RGS5: variants seen among roughly 807,000 people sequenced by gnomAD.
The protein encoded by RGS5 is regulator of G-protein signalling 5.
RGS5 carries 20 observed loss-of-function variants against 18.9 expected under a neutral mutation model. The ratio of observed to expected loss-of-function variants is 1.06; its 90% CI spans 0.74 to 1.54. The LOEUF is 1.54. Among genes scored for constraint, RGS5 ranks in the 40% most tolerant of loss-of-function variants. The probability of loss-of-function intolerance (pLI) is 0.00; values close to 1 mark genes in which losing one functional copy is unlikely to be tolerated. For synonymous variants in RGS5, 57 were observed against 76.2 expected (o/e 0.75, Z 1.31); for missense variants, 201 against 211.8 (o/e 0.95, Z 0.32).
At position 163,147,232 on chromosome 1, in the gene RGS5, TG is replaced by T; in HGVS notation, c.*109del. 1 of 1,147,064 alleles carries T rather than the reference TG, an allele frequency of 8.7e-7. No homozygotes were observed. Among genetic ancestry groups the T allele is most frequent in the Non-Finnish European group, 1.2e-6 (1 of 843,252 alleles). The allele number at this position is 1,147,064 out of a possible 1,614,324, so 71.1% of individuals were successfully genotyped here. Reference sequence around the variant, plus strand: ...AACATCCCCTGGGATTTTTCCCATGTGGGTATCACTGAGCAAAGCTGCTGTG... The same window carrying T: ...AACATCCCCTGGGATTTTTCCCATGTGGTATCACTGAGCAAAGCTGCTGTG... On this transcript the variant is annotated 3_prime_UTR_variant, in exon 5 of 5. Transcript: ENST00000313961.
intron 2 of RGS5, among the ~76,000 whole-genome samples, chr1:163,297,113 A>G (rs999167471): frequency 2.0e-5 from 3 of 152,126 alleles, no homozygotes; most frequent in African/African-American, 7.2e-5. Context: ...TAATTTACCA[A>G]GACAGTTGGA....
intron 2 of RGS5, among the ~76,000 whole-genome samples, chr1:163,224,790 G>A (rs1414664825): frequency 4.6e-5 from 7 of 152,146 alleles, no homozygotes; most frequent in African/African-American, 1.7e-4. Context: ...CTGATGATTA[G>A]TGATGTAGGA....
In RGS5 at chr1:163,163,044, G is replaced by A. The variant is rs1042301579; in HGVS notation, c.156-1068C>T. ...GTTTTTATACAATGATATTTCGGGG[G>A]GGGGGGTGGTTAATTATTCAGATTT... On this transcript the variant is annotated intron_variant, in intron 2 of 4. Transcript: ENST00000313961. Among the ~76,000 whole-genome samples the A allele has an allele frequency of 9.9e-5, 15 of 150,916 alleles. 1 individual carries two copies. The highest frequency in any genetic ancestry group is 3.4e-4 in the African/African-American group (14 of 40,840).
In RGS5 at chr1:163,243,813, AACACACAC is replaced by A. The variant is rs140181467; in HGVS notation, c.-281+62412_-281+62419del. 1.0e-4 allele frequency among the ~76,000 whole-genome samples: 15 copies of A among 150,210 alleles called. No individual in the cohort carries two copies. In the East Asian group the frequency reaches 2.7e-3, roughly 27 times the overall value. ...AGGAGGCATTTACACACATTCACAC[AACACACAC>A]ACACACACATACACACATTGGTTTG... On this transcript the variant is annotated intron_variant, in intron 2 of 5. Transcript: ENST00000618415.
At chr1:163,295,155 T>A (rs1233029452) in intron 2 of RGS5, among the ~76,000 whole-genome samples, 1 of 152,182 alleles carries the variant, frequency 6.6e-6, no homozygotes, top group African/African-American at 2.4e-5. Flanking sequence ...TTTACCTAGT[T>A]CCAAAGTCAC....
intron 1 of RGS5, among the ~76,000 whole-genome samples, chr1:163,315,619 T>C (rs1423347567): frequency 2.0e-5 from 3 of 152,138 alleles, no homozygotes; most frequent in Non-Finnish European, 2.9e-5. Context: ...AAAGAATAGG[T>C]ACTTTATAGT....
intron 2 of RGS5, among the ~76,000 whole-genome samples, chr1:163,273,277 T>C (rs1648768233): frequency 2.6e-5 from 4 of 152,160 alleles, no homozygotes; most frequent in Admixed American, 2.6e-4. Context: ...GCTCAAATTT[T>C]CTTTACCCTA....
At chr1:163,193,373 C>T (rs1260445058) in intron 1 of RGS5, among the ~76,000 whole-genome samples, 2 of 152,084 alleles carry the variant, frequency 1.3e-5, no homozygotes, top group African/African-American at 2.4e-5. Flanking sequence ...CCTTTAAACA[C>T]TGAAATATTT....
chr1:163,195,243 T>C (rs986303387), intron 1 of RGS5, among the ~76,000 whole-genome samples: 2 of 152,154 alleles, frequency 1.3e-5, no homozygotes, highest in East Asian at 1.9e-4. Context: ...TATACCATGT[T>C]GTATATAAGA....
At chr1:163,295,371 A>C (rs576630003) in intron 2 of RGS5, among the ~76,000 whole-genome samples, 6 of 152,184 alleles carry the variant, frequency 3.9e-5, no homozygotes, top group African/African-American at 1.4e-4. Context: ...AATTTATTCT[A>C]ACTATTAACC....
chr1:163,149,420 T>C (rs954771085), intron 4 of RGS5, among the ~76,000 whole-genome samples: 3 of 152,218 alleles, frequency 2.0e-5, no homozygotes, highest in Admixed American at 2.0e-4. Context: ...CTAAAAATTA[T>C]AAAAGTAGCT....
At chr1:163,312,124 A>G (rs1382447223) in intron 1 of RGS5, among the ~76,000 whole-genome samples, 3 of 152,182 alleles carry the variant, frequency 2.0e-5, no homozygotes, top group African/African-American at 7.2e-5. Flanking sequence ...TGCTGTTCTC[A>G]TGATAGTGAG....
intron 2 of RGS5, among the ~76,000 whole-genome samples, chr1:163,282,861 T>C (rs569834162): frequency 6.6e-5 from 10 of 152,034 alleles, no homozygotes; most frequent in Admixed American, 2.6e-4. Flanking sequence ...CTATTCACAA[T>C]AGACAAGATA....
At chr1:163,282,531 T>C (rs945231465) in intron 2 of RGS5, among the ~76,000 whole-genome samples, 3 of 151,916 alleles carry the variant, frequency 2.0e-5, no homozygotes, top group Non-Finnish European at 2.9e-5. Flanking sequence ...CTAAGTGAGA[T>C]CCTGTCTCTA....
At chr1:163,285,817 C>A (rs758359648) in intron 2 of RGS5, among the ~76,000 whole-genome samples, 3 of 151,860 alleles carry the variant, frequency 2.0e-5, no homozygotes, top group Non-Finnish European at 4.4e-5. Context: ...ATATGAAGAC[C>A]GTGCCTACTT....
rs148501257 is a variant in RGS5 at position 163,164,044 on chromosome 1, T to G, written c.156-2068A>C. On this transcript the variant is annotated intron_variant, in intron 2 of 4. Coordinates refer to ENST00000313961, the MANE Select transcript of RGS5 (RefSeq NM_003617.4). ...CACATCACAGCCAAGATTAAATTCC[T>G]GAAAAGGAAATGTGCAGAGCCCGCT... Among the ~76,000 whole-genome samples, 13 of 152,308 alleles carry G rather than the reference T, an allele frequency of 8.5e-5. No individual in the cohort carries two copies. In the East Asian group the frequency reaches 2.5e-3, roughly 29 times the overall value.
chr1:163,203,634 C>T (rs1659858911), upstream of RGS5, among the ~76,000 whole-genome samples: 1 of 152,090 alleles, frequency 6.6e-6, no homozygotes. Flanking sequence ...ATCTAGGAGA[C>T]CAAACACCAA....
At chr1:163,283,474 A>G (rs763554954) in intron 2 of RGS5, among the ~76,000 whole-genome samples, 3 of 152,166 alleles carry the variant, frequency 2.0e-5, no homozygotes, top group Non-Finnish European at 4.4e-5. Context: ...GATTATGATA[A>G]TAGTACAGAT....
At chr1:163,233,841 G>A (rs1048433605) in intron 2 of RGS5, among the ~76,000 whole-genome samples, 3 of 152,204 alleles carry the variant, frequency 2.0e-5, no homozygotes, top group African/African-American at 7.2e-5. Context: ...CACAAGGGCA[G>A]GGAGGGTGTA....
Sources: gnomAD v4.1 joint callset for allele counts (sites outside exome capture counted in the v4.1 genomes callset) on GRCh38, gnomAD v4.1.1 for gene constraint, MANE v1.5 for transcripts, NCBI Gene and HGNC (gene_info 2026-07-23, HGNC 2026-07-21) for gene names.